LRRC27: variants seen among roughly 807,000 people sequenced by gnomAD.
LRRC27 encodes the protein leucine rich repeat containing 27.
In LRRC27, 57 loss-of-function variants were observed where a neutral mutation model predicts 55.0. The ratio of observed to expected loss-of-function variants is 1.04; its 90% CI spans 0.84 to 1.29. The LOEUF (loss-of-function observed/expected upper bound fraction) is 1.29, where lower values mean the gene tolerates loss of function less well. Among genes scored for constraint, LRRC27 ranks in the 50% most tolerant of loss-of-function variants. The pLI, the probability that LRRC27 is intolerant of heterozygous loss-of-function variation, is 0.00. For missense variants in LRRC27, 721 were observed against 651.5 expected (o/e 1.11, Z -1.16); for synonymous variants, 278 against 251.9 (o/e 1.10, Z -0.98).
At chr10:132,335,795 T>G (rs2067099527) in intron 2 of LRRC27, among the ~76,000 whole-genome samples, 1 of 152,224 alleles carries the variant, frequency 6.6e-6, no homozygotes. Context: ...CCCAGTCAGC[T>G]CAGGGGCTCT....
chr10:132,331,534 G>T (rs1331042961), upstream of LRRC27: 9 of 1,612,934 alleles, frequency 5.6e-6, no homozygotes, highest in Middle Eastern at 1.6e-4. Flanking sequence ...AAGTCCTGAG[G>T]CAAGATTTGG....
Position 132,333,532 on chromosome 10 carries a change from G to A in LRRC27, c.8G>A (p.Gly3Glu), listed in dbSNP as rs745330910. The A allele has an allele frequency of 6.2e-7, 1 of 1,600,012 alleles. No individual in the cohort carries two copies. The highest frequency in any genetic ancestry group is 8.5e-7 in the Non-Finnish European group (1 of 1,172,524). Residue 3 changes from glycine (G) to glutamate (E), a missense_variant, in exon 2 of 11, where the codon GGA (glycine) becomes GAA (glutamate). Gly to Glu is a moderately conservative substitution (Grantham distance 98). Transcript: ENST00000368614. The stretch of plus-strand genomic sequence containing the variant: ...GTCCCTGGAAGAGAACGGATGGAGG[G>A]AAGCAGCTCCTACGAAGTTCCCTCT... ME[G>E]SSSYEVPSVA...
At chr10:132,363,717 CCGGCCCTGCTGCTCAG>C (rs2068759486) in intron 9 of LRRC27, among the ~76,000 whole-genome samples, 1 of 152,208 alleles carries the variant, frequency 6.6e-6, no homozygotes, top group South Asian at 2.1e-4. Flanking sequence ...GGGCCTGGCC[CCGGCCCTGCTGCTCAG>C]CGTACGTCTG....
Position 132,351,649 on chromosome 10 carries a change from G to T in LRRC27, c.969G>T (p.Leu323Phe), listed in dbSNP as rs962267311. The T allele has an allele frequency of 6.2e-7, 1 of 1,614,128 alleles. No individual in the cohort carries two copies. Reference protein sequence around the residue: ...ASSRSILPDLLSPYQMAIRAK... With the variant: ...ASSRSILPDLFSPYQMAIRAK... ...CCAGGAGCATCTTACCCGACCTCTT[G>T]TCACCGTACCAAATGGCGATCCGAG... is the stretch of plus-strand genomic sequence containing the variant. Residue 323 changes from leucine to phenylalanine, a missense_variant, in exon 7 of 11, where the codon TTG becomes TTT. Transcript: ENST00000368614.
In LRRC27 at chr10:132,340,361, C is replaced by T. The variant is rs188209103; in HGVS notation, c.342-1852C>T. Among the ~76,000 whole-genome samples the T allele has an allele frequency of 2.4e-3, 360 of 152,272 alleles. 2 individuals carry two copies. The highest frequency in any genetic ancestry group is 8.1e-3 in the African/African-American group (335 of 41,538). ...TAATAGTCAGTAAACATGCACCCCC[C>T]GCAATCCCTCTCAGGCAAAACCGAA... On this transcript the variant is annotated intron_variant, in intron 3 of 10. Transcript: ENST00000368614.
intron 9 of LRRC27, among the ~76,000 whole-genome samples, chr10:132,364,469 A>G (rs1370243605): frequency 5.3e-4 from 64 of 120,692 alleles, no homozygotes; most frequent in Non-Finnish European, 6.4e-4. Flanking sequence ...ACCCACCCAC[A>G]CTTACACCCA....
chr10:132,360,989 C>T (rs549117760), intron 8 of LRRC27, among the ~76,000 whole-genome samples: 2 of 152,336 alleles, frequency 1.3e-5, no homozygotes, highest in East Asian at 1.9e-4. Flanking sequence ...GGGTGCTAGC[C>T]TCCTCCTGCC....
At chr10:132,369,971 G>C (rs1002161067) in intron 10 of LRRC27, among the ~76,000 whole-genome samples, 1 of 152,244 alleles carries the variant, frequency 6.6e-6, no homozygotes, top group South Asian at 2.1e-4. Flanking sequence ...AGCCACACCT[G>C]TCTCTCCATT....
chr10:132,366,974 C>CT (rs1471807357), intron 10 of LRRC27: 1 of 1,269,366 alleles, frequency 7.9e-7, no homozygotes, highest in Non-Finnish European at 1.0e-6. Flanking sequence ...TTGTATCTGC[C>CT]TTTAGATAAA....
rs1251664186 is a variant in LRRC27 at position 132,348,271 on chromosome 10, C to G, written c.841C>G (p.Gln281Glu). The stretch of plus-strand genomic sequence containing the variant: ...CGTGAAGGCAGACGTTCTGGGAGAT[C>G]AGCTCTTGACGAGGGAATTACCTCC... ...EHVKADVLGD[Q>E]LLTRELPPNL... Residue 281 changes from glutamine (Q) to glutamate (E), a missense_variant, in exon 6 of 11, where the codon CAG becomes GAG. Physicochemically the swap from Gln to Glu is conservative, Grantham distance 29. Coordinates refer to ENST00000368614, the MANE Select transcript of LRRC27 (RefSeq NM_030626.3). The surrounding 1 kb of genome is among the most constrained non-coding windows in gnomAD (Gnocchi z 4.2). 3.2e-5 allele frequency: 52 copies of G among 1,614,080 alleles called. No individual in the cohort carries two copies. The highest frequency in any genetic ancestry group is 4.2e-5 in the Non-Finnish European group (50 of 1,180,042).
At chr10:132,340,978 GT>G (rs1355306791) in intron 3 of LRRC27, among the ~76,000 whole-genome samples, 1 of 152,106 alleles carries the variant, frequency 6.6e-6, no homozygotes, top group African/African-American at 2.4e-5. Flanking sequence ...TTCCTGTGGG[GT>G]TACCAATAAA....
At chr10:132,337,250 G>T in intron 2 of LRRC27, 14 of 1,189,664 alleles carry the variant, frequency 1.2e-5, no homozygotes, top group Non-Finnish European at 1.5e-5. Context: ...ACTGAGTGTG[G>T]GGCCCCGGAA....
At chr10:132,346,651 C>T (rs1171398481) in intron 5 of LRRC27, among the ~76,000 whole-genome samples, 2 of 152,078 alleles carry the variant, frequency 1.3e-5, no homozygotes, top group Non-Finnish European at 2.9e-5. Context: ...GATGACAGAG[C>T]GAGATTCCGT....
intron 10 of LRRC27, among the ~76,000 whole-genome samples, chr10:132,373,423 G>A (rs1237521611): frequency 2.0e-5 from 3 of 152,142 alleles, no homozygotes; most frequent in Non-Finnish European, 2.9e-5. Context: ...TCAGCATCCC[G>A]AACCAGAGCA....
In LRRC27 at chr10:132,375,972, T is replaced by C. The variant is rs2069333310; in HGVS notation, c.*730T>C. On this transcript the variant is annotated 3_prime_UTR_variant, in exon 11 of 11. Coordinates refer to ENST00000368614, the MANE Select transcript of LRRC27 (RefSeq NM_030626.3). ...GACTTAGTCTCTTGTGCTGAGTGTT[T>C]GCTTGGATCTTGAAAACATCTTTGG... 6.6e-6 allele frequency: 1 copy of C among 152,280 alleles called. No individual in the cohort carries two copies. The highest frequency in any genetic ancestry group is 2.4e-5 in the African/African-American group (1 of 41,474). 9.4% of individuals were successfully genotyped at this position (152,280 alleles called of 1,614,324 possible).
intron 9 of LRRC27, among the ~76,000 whole-genome samples, chr10:132,364,913 C>A (rs529429043): frequency 9.6e-6 from 1 of 103,772 alleles, no homozygotes; most frequent in Non-Finnish European, 2.4e-5. Context: ...AGCAGATCCC[C>A]AGCTCTTTCT....
intron 8 of LRRC27, among the ~76,000 whole-genome samples, chr10:132,359,676 T>TTGAGGC (rs2133028078): frequency 6.6e-6 from 1 of 152,372 alleles, no homozygotes; most frequent in Non-Finnish European, 1.5e-5. Flanking sequence ...GGTGGGAGCC[T>TTGAGGC]TGAGGCTGCG....
At position 132,377,230 on chromosome 10, in the gene LRRC27, A is replaced by C. The variant is rs4481949; in HGVS notation, c.*1988A>C. On this transcript the variant is annotated 3_prime_UTR_variant, in exon 11 of 11. Coordinates refer to ENST00000368614, the MANE Select transcript of LRRC27 (RefSeq NM_030626.3). ...GCTGCCAGTTCTGTGTTTCAGTTAC[A>C]GTGTTTGGCCCTCACATTTAAGGTG... is the stretch of plus-strand genomic sequence containing the variant. 0.15 allele frequency: 22,267 copies of C among 152,204 alleles called. 2,161 individuals carry two copies. The highest frequency in any genetic ancestry group is 0.23 in the Middle Eastern group (67 of 292). The allele number at this position is 152,204 out of a possible 1,614,324, so 9.4% of individuals were successfully genotyped here.
At chr10:132,353,351 G>A in intron 7 of LRRC27, 1 of 1,085,632 alleles carries the variant, frequency 9.2e-7, no homozygotes, top group Non-Finnish European at 1.1e-6. Context: ...CCGCCCCTGT[G>A]GCTCACCTGC....
Sources: gnomAD v4.1 joint callset for allele counts (sites outside exome capture counted in the v4.1 genomes callset) on GRCh38, gnomAD v4.1.1 for gene constraint, Gnocchi (gnomAD v3.1) non-coding constraint, MANE v1.5 for transcripts, NCBI Gene and HGNC (gene_info 2026-07-23, HGNC 2026-07-21) for gene names.